ATG13: variants seen among roughly 807,000 people sequenced by gnomAD.
The protein encoded by ATG13 is autophagy related 13, also known as autophagy-related protein 13.
Under a neutral mutation model 65.5 loss-of-function variants are expected in ATG13, and 23 were observed. The observed-to-expected ratio is 0.35, with a 90% CI of 0.25 to 0.50. The LOEUF is 0.50. Among genes scored for constraint, ATG13 ranks in the 20% least tolerant of loss-of-function variants. The pLI is 0.98. For synonymous variants in ATG13, 252 were observed against 245.2 expected, an observed-to-expected ratio of 1.03 and a Z score of -0.26; for missense variants, 566 against 677.0, an observed-to-expected ratio of 0.84 and a Z score of 1.82.
At chr11:46,643,648 A>G (rs2056783423) in intron 2 of ATG13, among the ~76,000 whole-genome samples, 1 of 140,878 alleles carries the variant, frequency 7.1e-6, no homozygotes, top group African/African-American at 2.7e-5. Context: ...ACCGGGTCTC[A>G]CCATGTTGAT....
chr11:46,663,469 G>A (rs2061608701), intron 11 of ATG13, among the ~76,000 whole-genome samples: 1 of 152,078 alleles, frequency 6.6e-6, no homozygotes, highest in South Asian at 2.1e-4. Context: ...TCCCTGGAAT[G>A]ACGTAGGAAG....
chr11:46,629,004 G>A (rs565226508), intron 1 of ATG13, among the ~76,000 whole-genome samples: 184 of 150,404 alleles, frequency 1.2e-3, no homozygotes, highest in Middle Eastern at 0.01. Flanking sequence ...GTGCAGTGGC[G>A]CGATCTTGGC....
intron 1 of ATG13, among the ~76,000 whole-genome samples, chr11:46,628,082 CAAAAAAAAAAA>C (rs561371295): frequency 1.9e-5 from 1 of 52,380 alleles, no homozygotes; most frequent in African/African-American, 6.0e-5. Flanking sequence ...GACCTTGTCT[CAAAAAAAAAAA>C]AAAAAAAAGG....
At chr11:46,672,111 C>T in intron 18 of ATG13, 144 bp from the exon 19 acceptor site, 1 of 1,314,208 alleles carries the variant, frequency 7.6e-7, no homozygotes, top group East Asian at 2.3e-5. Context: ...TGTGCCTACG[C>T]AGCTGCCCTG....
intron 18 of ATG13, among the ~76,000 whole-genome samples, chr11:46,671,499 A>T (rs1657554265): frequency 1.3e-5 from 2 of 152,264 alleles, no homozygotes; most frequent in South Asian, 4.1e-4. Context: ...GCACTTTGGG[A>T]GGCCGAGGCG....
At chr11:46,629,915 G>A (rs148043442) in intron 1 of ATG13, 130 bp from the exon 2 acceptor site, 3 of 151,858 alleles carry the variant, frequency 2.0e-5, no homozygotes, top group Admixed American at 6.6e-5. Context: ...AGGCTGTGTC[G>A]TCCCAAAGAT....
chr11:46,655,322 T>C (rs1236411810), intron 7 of ATG13, among the ~76,000 whole-genome samples: 1 of 150,788 alleles, frequency 6.6e-6, no homozygotes, highest in Non-Finnish European at 1.5e-5. Context: ...GGCATGAACC[T>C]GGGAGGCGGA....
chr11:46,660,497 C>A (rs2060944258), intron 11 of ATG13, among the ~76,000 whole-genome samples: 1 of 150,982 alleles, frequency 6.6e-6, no homozygotes, highest in Admixed American at 6.6e-5. Context: ...GCAACCTCTG[C>A]CTCCCGGGTT....
chr11:46,640,845 A>G (rs554001098), intron 2 of ATG13, among the ~76,000 whole-genome samples: 1 of 152,358 alleles, frequency 6.6e-6, no homozygotes, highest in East Asian at 1.9e-4. Context: ...ATAGATTTAT[A>G]GCAACTGGAG....
intron 3 of ATG13, 119 bp from the exon 4 acceptor site, chr11:46,645,220 A>G (rs2057213553): frequency 1.3e-6 from 1 of 745,218 alleles, no homozygotes; most frequent in Admixed American, 3.1e-5. Flanking sequence ...AAGTATACTT[A>G]TGATTAATTG....
chr11:46,620,745 A>G (rs749921019), intron 1 of ATG13, among the ~76,000 whole-genome samples: 1 of 152,044 alleles, frequency 6.6e-6, no homozygotes, highest in Non-Finnish European at 1.5e-5. Flanking sequence ...ATTGCATTCC[A>G]GCCTGGGCAA....
chr11:46,619,171 T>C (rs1391026839), intron 1 of ATG13, among the ~76,000 whole-genome samples: 1 of 151,960 alleles, frequency 6.6e-6, no homozygotes, highest in Non-Finnish European at 1.5e-5. Context: ...TGGAAACCAA[T>C]AAAAACTGAA....
chr11:46,672,360 C>T lies in ATG13; in HGVS notation c.*28C>T, dbSNP rs2063959947. ...GTATCCTTGAGTCCCAGCAGCACCC[C>T]CTTTTTGTGGCCCCAGGGCATAAGC... On this transcript the variant is annotated 3_prime_UTR_variant, in exon 19 of 19. Transcript: ENST00000683050. 6.2e-7 allele frequency: 1 copy of T among 1,614,130 alleles called. No individual in the cohort carries two copies. The highest frequency in any genetic ancestry group is 8.5e-7 in the Non-Finnish European group (1 of 1,179,948).
chr11:46,647,421 G>T (rs931497499), intron 5 of ATG13, among the ~76,000 whole-genome samples: 1 of 151,700 alleles, frequency 6.6e-6, no homozygotes, highest in Non-Finnish European at 1.5e-5. Context: ...GGGATTACAG[G>T]TGCGTGCCAC....
At chr11:46,656,674 G>A (rs1374782675) in intron 8 of ATG13, among the ~76,000 whole-genome samples, 2 of 152,220 alleles carry the variant, frequency 1.3e-5, no homozygotes, top group African/African-American at 4.8e-5. Context: ...CAGCTTGGGT[G>A]GAAGGCAATT....
In ATG13 at chr11:46,657,658, G is replaced by A. The variant is rs752152425; in HGVS notation, c.695+36G>A. On this transcript the variant is annotated intron_variant, in intron 10 of 18. Transcript: ENST00000683050. ...TGAAAAGGTGCTCTCCCAAACTGCA[G>A]CTGGGCAGAAGCATCCATCCTGCAC... 6 of 1,520,322 alleles carry A rather than the reference G, an allele frequency of 3.9e-6. No individual in the cohort carries two copies. In the Admixed American group the frequency reaches 1.1e-4, roughly 29 times the overall value. 94.2% of individuals were successfully genotyped at this position (1,520,322 alleles called of 1,614,324 possible).
intron 1 of ATG13, among the ~76,000 whole-genome samples, chr11:46,622,369 G>T (rs1038218937): frequency 1.3e-5 from 2 of 151,662 alleles, no homozygotes; most frequent in African/African-American, 4.8e-5. Flanking sequence ...CGCCTGCCTC[G>T]GTCTCCCAAA....
chr11:46,617,807 A>G lies in ATG13; in HGVS notation c.-153A>G. On this transcript the variant is annotated 5_prime_UTR_variant, in exon 1 of 19. Coordinates refer to ENST00000683050, the MANE Select transcript of ATG13 (RefSeq NM_001346311.2). ...TGCAGCTCCGGAGCGCGGAACCCTC[A>G]GCCAGGAGGCGCGGCTGGTCGGTCC... 2.5e-6 allele frequency: 1 copy of G among 399,226 alleles called. No homozygotes were observed. Among genetic ancestry groups the G allele is most frequent in the East Asian group, 3.6e-5 (1 of 28,080 alleles). The allele number at this position is 399,226 out of a possible 1,614,324, so 24.7% of individuals were successfully genotyped here. A position where few individuals can be genotyped will look rare whatever the true frequency, so the allele number is the denominator to read the frequency against.
At chr11:46,621,487 T>G (rs1011663790) in intron 1 of ATG13, among the ~76,000 whole-genome samples, 3 of 152,212 alleles carry the variant, frequency 2.0e-5, no homozygotes, top group Non-Finnish European at 4.4e-5. Context: ...CAGTCTTGTT[T>G]CTACCTGTTT....
Sources: gnomAD v4.1 joint callset for allele counts (sites outside exome capture counted in the v4.1 genomes callset) on GRCh38, gnomAD v4.1.1 for gene constraint, MANE v1.5 for transcripts, NCBI Gene and HGNC (gene_info 2026-07-23, HGNC 2026-07-21) for gene names.